Variants in RABGAP1L observed in about 807,000 individuals in gnomAD.
The protein encoded by RABGAP1L is RAB GTPase activating protein 1 like.
Under a neutral mutation model 137.7 loss-of-function variants are expected in RABGAP1L, and 63 were observed. That is an observed-to-expected ratio of 0.46 (90% CI 0.37 to 0.56). The LOEUF is 0.56. Among genes scored for constraint, RABGAP1L ranks in the 20% least tolerant of loss-of-function variants. The pLI is 0.00. For missense variants in RABGAP1L, 1,095 were observed against 1,244.0 expected (o/e 0.88, Z 1.80); for synonymous variants, 431 against 433.7 (o/e 0.99, Z 0.08).
chr1:174,387,236 C>A (rs1686869960), intron 12 of RABGAP1L, among the ~76,000 whole-genome samples: 1 of 152,154 alleles, frequency 6.6e-6, no homozygotes, highest in African/African-American at 2.4e-5. Flanking sequence ...TTCATTCATT[C>A]ATTCATTCAA....
chr1:174,841,353 A>G (rs927675790), intron 19 of RABGAP1L, among the ~76,000 whole-genome samples: 1 of 152,124 alleles, frequency 6.6e-6, no homozygotes, highest in Non-Finnish European at 1.5e-5. Context: ...TAAATTTCCT[A>G]CTAAAATAAT....
At chr1:174,952,504 C>T (rs1469946339) in intron 19 of RABGAP1L, among the ~76,000 whole-genome samples, 1 of 151,810 alleles carries the variant, frequency 6.6e-6, no homozygotes, top group Non-Finnish European at 1.5e-5. Flanking sequence ...GAACAAGACC[C>T]TGTCTCTTAA....
At chr1:174,598,849 T>A (rs1008950045) in intron 13 of RABGAP1L, among the ~76,000 whole-genome samples, 2 of 152,168 alleles carry the variant, frequency 1.3e-5, no homozygotes, top group African/African-American at 2.4e-5. Flanking sequence ...TTTATTTTTT[T>A]AATCCATTCA....
At chr1:174,672,106 G>A (rs985866914) in intron 14 of RABGAP1L, among the ~76,000 whole-genome samples, 15 of 151,958 alleles carry the variant, frequency 9.9e-5, no homozygotes, top group East Asian at 5.8e-4. Context: ...TATCTAATTC[G>A]TTGGCATATA....
chr1:174,234,439 T>G (rs1001962592), intron 4 of RABGAP1L, among the ~76,000 whole-genome samples: 7 of 142,884 alleles, frequency 4.9e-5, no homozygotes, highest in Non-Finnish European at 7.5e-5. Context: ...GAATTGATTT[T>G]TGTATAAGGT....
chr1:174,302,425 CAA>C (rs1461868028), intron 10 of RABGAP1L, among the ~76,000 whole-genome samples: 1 of 152,002 alleles, frequency 6.6e-6, no homozygotes, highest in South Asian at 2.1e-4. Context: ...TCTCAAGAAA[CAA>C]GAGAGGAAGG....
At chr1:174,498,520 A>G (rs1331213181) in intron 13 of RABGAP1L, among the ~76,000 whole-genome samples, 2 of 151,452 alleles carry the variant, frequency 1.3e-5, no homozygotes, top group African/African-American at 4.9e-5. Flanking sequence ...TTTTTGAGAG[A>G]GTTTTGCTTT....
At chr1:174,510,079 A>G (rs1324197151) in intron 13 of RABGAP1L, among the ~76,000 whole-genome samples, 4 of 152,154 alleles carry the variant, frequency 2.6e-5, no homozygotes, top group Non-Finnish European at 5.9e-5. Flanking sequence ...TGGTAATGCC[A>G]TTACTCTAAA....
At chr1:174,801,678 A>G (rs1330792678) in intron 18 of RABGAP1L, among the ~76,000 whole-genome samples, 1 of 152,232 alleles carries the variant, frequency 6.6e-6, no homozygotes, top group Non-Finnish European at 1.5e-5. Flanking sequence ...AGCTGAAGAC[A>G]TGTGTTTTAA....
chr1:174,607,111 T>TC (rs1237112218), intron 13 of RABGAP1L, among the ~76,000 whole-genome samples: 6 of 152,260 alleles, frequency 3.9e-5, no homozygotes, highest in Admixed American at 3.3e-4. Context: ...ATTTTTAATA[T>TC]CAGTATGTTC....
chr1:174,786,641 C>A (rs547294451), intron 18 of RABGAP1L, among the ~76,000 whole-genome samples: 2 of 152,202 alleles, frequency 1.3e-5, no homozygotes, highest in South Asian at 4.1e-4. Context: ...TAACGTTGAC[C>A]TTTATTTATT....
intron 13 of RABGAP1L, among the ~76,000 whole-genome samples, chr1:174,424,779 G>GAT (rs1256195899): frequency 1.3e-5 from 2 of 151,712 alleles, no homozygotes; most frequent in Non-Finnish European, 2.9e-5. Flanking sequence ...TTATTGACTT[G>GAT]TATATCACAT....
chr1:174,839,330 C>G (rs758795571), intron 19 of RABGAP1L, among the ~76,000 whole-genome samples: 1 of 152,150 alleles, frequency 6.6e-6, no homozygotes, highest in Non-Finnish European at 1.5e-5. Context: ...AGTTACCCCT[C>G]TCACATGCAC....
At chr1:174,634,391 C>T in intron 13 of RABGAP1L, among the ~76,000 whole-genome samples, 1 of 87,762 alleles carries the variant, frequency 1.1e-5, no homozygotes, top group Non-Finnish European at 2.0e-5. Context: ...ACAACAGGTG[C>T]TGGAGAGGAT....
chr1:174,602,409 C>T (rs1036682290), intron 13 of RABGAP1L, among the ~76,000 whole-genome samples: 67 of 152,206 alleles, frequency 4.4e-4, no homozygotes, highest in Non-Finnish European at 3.4e-4. Context: ...AGGGGAAACT[C>T]GTGAGACTTA....
intron 19 of RABGAP1L, among the ~76,000 whole-genome samples, chr1:174,842,906 GA>G (rs776025099): frequency 3.3e-5 from 5 of 152,034 alleles, no homozygotes; most frequent in Admixed American, 6.6e-5. Flanking sequence ...TAAATCCAGA[GA>G]AATGTTACTT....
At chr1:174,883,488 T>C (rs1654590859) in intron 19 of RABGAP1L, among the ~76,000 whole-genome samples, 1 of 152,138 alleles carries the variant, frequency 6.6e-6, no homozygotes, top group Non-Finnish European at 1.5e-5. Flanking sequence ...TTTGCTTGAT[T>C]AGGGAATCAC....
chr1:174,436,244 A>G (rs954552571), intron 13 of RABGAP1L, among the ~76,000 whole-genome samples: 4 of 152,306 alleles, frequency 2.6e-5, no homozygotes, highest in Admixed American at 1.3e-4. Context: ...GACTTCCACA[A>G]TGGTTGAACT....
chr1:174,841,003 A>G (rs1366946566), intron 19 of RABGAP1L, among the ~76,000 whole-genome samples: 3 of 152,128 alleles, frequency 2.0e-5, no homozygotes, highest in African/African-American at 7.2e-5. Flanking sequence ...AAGCAACAGT[A>G]TAGCATTAAA....
Sources: allele counts gnomAD v4.1 joint callset (sites outside exome capture counted in the v4.1 genomes callset), GRCh38; gene constraint gnomAD v4.1.1; transcripts MANE v1.5; gene names NCBI Gene and HGNC (gene_info 2026-07-23, HGNC 2026-07-21).